PBX3: variants seen among roughly 807,000 people sequenced by gnomAD.
The protein encoded by PBX3 is PBX homeobox 3, also known as pre-B-cell leukemia transcription factor 3.
Under a neutral mutation model 48.5 loss-of-function variants are expected in PBX3, and 14 were observed. The ratio of observed to expected loss-of-function variants is 0.29; its 90% CI spans 0.19 to 0.45. The LOEUF (loss-of-function observed/expected upper bound fraction) is 0.45. Among genes scored for constraint, PBX3 ranks in the 20% least tolerant of loss-of-function variants. The pLI, the probability that PBX3 is intolerant of heterozygous loss-of-function variation, is 1.00. For synonymous variants in PBX3, 210 were observed against 200.3 expected, an observed-to-expected ratio of 1.05 and a Z score of -0.41; for missense variants, 386 against 546.7, an observed-to-expected ratio of 0.71 and a Z score of 2.93.
intron 5 of PBX3, among the ~76,000 whole-genome samples, chr9:125,940,829 G>A (rs1344260788): frequency 6.6e-6 from 1 of 152,142 alleles, no homozygotes; most frequent in African/African-American, 2.4e-5. Context: ...AGTTATTTTT[G>A]GGGGAATGGT....
chr9:125,906,258 T>G (rs1318727259), intron 2 of PBX3, among the ~76,000 whole-genome samples: 1 of 151,950 alleles, frequency 6.6e-6, no homozygotes, highest in Non-Finnish European at 1.5e-5. Flanking sequence ...AGATAAAACT[T>G]TATGCTGTGC....
intron 5 of PBX3, among the ~76,000 whole-genome samples, chr9:125,940,573 A>G (rs1229670487): frequency 6.6e-6 from 1 of 152,242 alleles, no homozygotes. Context: ...TATTTGTAAT[A>G]GCCAAAACTA....
chr9:125,889,562 A>G (rs1160458783), intron 2 of PBX3, among the ~76,000 whole-genome samples: 1 of 152,136 alleles, frequency 6.6e-6, no homozygotes, highest in Non-Finnish European at 1.5e-5. Flanking sequence ...TGGCATTTGC[A>G]ATGAGTCCCT....
intron 4 of PBX3, among the ~76,000 whole-genome samples, chr9:125,932,070 T>A (rs1273921561): frequency 6.6e-6 from 1 of 152,220 alleles, no homozygotes; most frequent in East Asian, 1.9e-4. Context: ...TTTCTACTGC[T>A]TAGAATTCCT....
At chr9:125,954,602 C>A (rs1842262728) in intron 5 of PBX3, among the ~76,000 whole-genome samples, 1 of 152,168 alleles carries the variant, frequency 6.6e-6, no homozygotes, top group Non-Finnish European at 1.5e-5. Flanking sequence ...GTGGCGCAAT[C>A]TTGGCTCACT....
At chr9:125,885,714 A>G (rs1030797263) in intron 2 of PBX3, among the ~76,000 whole-genome samples, 1 of 152,096 alleles carries the variant, frequency 6.6e-6, no homozygotes, top group Non-Finnish European at 1.5e-5. Flanking sequence ...ATGAGGATTT[A>G]TAACCATTTT....
chr9:125,960,557 G>A (rs1267321280), intron 5 of PBX3, 127 bp from the exon 6 acceptor site: 6 of 747,118 alleles, frequency 8.0e-6, no homozygotes, highest in Non-Finnish European at 1.1e-5. Context: ...TGATCCATAG[G>A]ATGTGAGGTT....
intron 2 of PBX3, among the ~76,000 whole-genome samples, chr9:125,881,255 A>G (rs955598954): frequency 3.3e-5 from 5 of 152,232 alleles, no homozygotes; most frequent in African/African-American, 9.6e-5. Flanking sequence ...ATAAATGGAA[A>G]GTGACATGGC....
intron 2 of PBX3, among the ~76,000 whole-genome samples, chr9:125,851,417 A>G (rs1274407636): frequency 6.6e-6 from 1 of 152,150 alleles, no homozygotes; most frequent in African/African-American, 2.4e-5. Context: ...TGACTTATCA[A>G]TGAAAATAGA....
chr9:125,784,200 C>G (rs1837399695), intron 2 of PBX3, among the ~76,000 whole-genome samples: 1 of 152,126 alleles, frequency 6.6e-6, no homozygotes, highest in Non-Finnish European at 1.5e-5. Context: ...GCGATCTTGG[C>G]TCACTGCAAC....
At chr9:125,957,027 A>T (rs147548918) in intron 5 of PBX3, among the ~76,000 whole-genome samples, 89 of 152,304 alleles carry the variant, frequency 5.8e-4, no homozygotes, top group Non-Finnish European at 1.0e-3. Flanking sequence ...AGGTGAAAAA[A>T]AAATCCTGAA....
At chr9:125,852,886 T>G (rs1258693407) in intron 2 of PBX3, among the ~76,000 whole-genome samples, 1 of 152,188 alleles carries the variant, frequency 6.6e-6, no homozygotes, top group Non-Finnish European at 1.5e-5. Flanking sequence ...TAATAGACTT[T>G]TTTGTTGTTA....
At chr9:125,852,899 T>C (rs1839621265) in intron 2 of PBX3, among the ~76,000 whole-genome samples, 1 of 152,194 alleles carries the variant, frequency 6.6e-6, no homozygotes, top group Non-Finnish European at 1.5e-5. Context: ...TGTTGTTAAT[T>C]AGCATACAAT....
intron 2 of PBX3, among the ~76,000 whole-genome samples, chr9:125,791,591 T>C (rs1349729610): frequency 1.3e-5 from 2 of 152,174 alleles, no homozygotes; most frequent in African/African-American, 2.4e-5. Flanking sequence ...CTCTTCCTCC[T>C]GTTCTGGTCA....
chr9:125,944,589 T>G (rs905027196), intron 5 of PBX3, among the ~76,000 whole-genome samples: 2 of 152,220 alleles, frequency 1.3e-5, no homozygotes, highest in Non-Finnish European at 2.9e-5. Flanking sequence ...AAGAGGGGTT[T>G]ACTTTCTATT....
At chr9:125,881,787 C>A (rs978467194) in intron 2 of PBX3, among the ~76,000 whole-genome samples, 3 of 151,904 alleles carry the variant, frequency 2.0e-5, no homozygotes, top group Non-Finnish European at 4.4e-5. Context: ...TATAGAAATC[C>A]TTGAGTCTAG....
At chr9:125,748,667 G>C (rs1410681426) in intron 2 of PBX3, 44 bp downstream of exon 2, 1 of 1,509,040 alleles carries the variant, frequency 6.6e-7, no homozygotes, top group Non-Finnish European at 9.2e-7. Context: ...CCCCCGAGGT[G>C]GGGGTCGGAG....
chr9:125,773,599 ATGAAT>A (rs1196511947), intron 2 of PBX3, among the ~76,000 whole-genome samples: 6 of 152,218 alleles, frequency 3.9e-5, no homozygotes, highest in Admixed American at 1.3e-4. Context: ...GTTTTTTAAA[ATGAAT>A]TGAATGTAGT....
At chr9:125,753,984 A>T (rs1019547069) in intron 2 of PBX3, among the ~76,000 whole-genome samples, 1 of 152,112 alleles carries the variant, frequency 6.6e-6, no homozygotes, top group African/African-American at 2.4e-5. Context: ...ATGAAGTTAC[A>T]TTATATGAAG....
Sources: gnomAD v4.1 joint callset for allele counts (sites outside exome capture counted in the v4.1 genomes callset) on GRCh38, gnomAD v4.1.1 for gene constraint, MANE v1.5 for transcripts, NCBI Gene and HGNC (gene_info 2026-07-23, HGNC 2026-07-21) for gene names.